The following CELF2 variants were observed in gnomAD, a reference collection of about 807,000 sequenced individuals.
CELF2 encodes CUGBP Elav-like family member 2.
In CELF2, 8 loss-of-function variants were observed where a neutral mutation model predicts 62.6. The observed-to-expected ratio is 0.13, with a 90% CI of 0.07 to 0.23. CELF2 has a LOEUF of 0.23. Ranked by LOEUF, CELF2 falls within the 10% of genes least tolerant of loss-of-function variation. The pLI, the probability that CELF2 is intolerant of heterozygous loss-of-function variation, is 1.00. For synonymous variants in CELF2, 258 were observed against 250.0 expected, an observed-to-expected ratio of 1.03 and a Z score of -0.30; for missense variants, 333 against 671.0, an observed-to-expected ratio of 0.50 and a Z score of 5.56.
At chr10:11,045,239 C>T (rs1255658400) in intron 1 of CELF2, among the ~76,000 whole-genome samples, 1 of 152,104 alleles carries the variant, frequency 6.6e-6, no homozygotes, top group Non-Finnish European at 1.5e-5. Flanking sequence ...GCCTCAAGCT[C>T]CTGAGCTCAG....
chr10:10,539,433 C>G, the CELF2 span, among the ~76,000 whole-genome samples: 1 of 151,656 alleles, frequency 6.6e-6, no homozygotes, highest in Non-Finnish European at 1.5e-5. Flanking sequence ...AAAGAACCAG[C>G]CCTCAACCCC....
the CELF2 span, among the ~76,000 whole-genome samples, chr10:10,624,881 G>A: frequency 6.6e-6 from 1 of 152,182 alleles, no homozygotes. Context: ...ACACAAAGAG[G>A]CAGATGGCAG....
chr10:10,537,013 T>TTGCTGC, the CELF2 span, among the ~76,000 whole-genome samples: 43 of 152,102 alleles, frequency 2.8e-4, no homozygotes, highest in African/African-American at 9.6e-4. Context: ...CTGGATTCAC[T>TTGCTGC]TGCTGCTGCT....
chr10:11,054,397 T>A (rs772391133), intron 1 of CELF2, among the ~76,000 whole-genome samples: 2 of 152,206 alleles, frequency 1.3e-5, no homozygotes, highest in Non-Finnish European at 2.9e-5. Context: ...TGTAAGGTGC[T>A]AAGATTTTAT....
At chr10:11,119,616 T>C (rs1015671642) in intron 1 of CELF2, among the ~76,000 whole-genome samples, 5 of 152,214 alleles carry the variant, frequency 3.3e-5, no homozygotes, top group African/African-American at 4.8e-5. Flanking sequence ...ATTTTTAATA[T>C]TTAAACTTTC....
At chr10:10,703,145 A>G in the CELF2 span, among the ~76,000 whole-genome samples, 1 of 152,256 alleles carries the variant, frequency 6.6e-6, no homozygotes, top group African/African-American at 2.4e-5. Flanking sequence ...TACAGATTCT[A>G]TAAAATAACA....
intron 1 of CELF2, among the ~76,000 whole-genome samples, chr10:10,870,248 A>G (rs932242724): frequency 2.0e-5 from 3 of 152,130 alleles, no homozygotes; most frequent in African/African-American, 7.2e-5. Context: ...TGTACGTTAA[A>G]TTTAGGGACA....
At chr10:10,813,071 T>C (rs1459009017) in intron 1 of CELF2, among the ~76,000 whole-genome samples, 1 of 152,224 alleles carries the variant, frequency 6.6e-6, no homozygotes. Flanking sequence ...CTGCCCAGTT[T>C]TTCTCACAGC....
chr10:10,889,237 G>A (rs1056097629), intron 1 of CELF2, among the ~76,000 whole-genome samples: 5 of 152,174 alleles, frequency 3.3e-5, no homozygotes, highest in Admixed American at 2.0e-4. Context: ...CTTTCTTGTT[G>A]TTTTCACCTC....
the CELF2 span, among the ~76,000 whole-genome samples, chr10:10,601,891 A>T: frequency 6.6e-6 from 1 of 151,902 alleles, no homozygotes; most frequent in Admixed American, 6.6e-5. Context: ...TCCCTCCCCA[A>T]ACCCCACCCC....
intron 4 of CELF2, among the ~76,000 whole-genome samples, chr10:11,254,677 C>A (rs191901661): frequency 6.6e-6 from 1 of 152,268 alleles, no homozygotes; most frequent in African/African-American, 2.4e-5. Flanking sequence ...ATAGGTTTAG[C>A]AGTGAAACCA....
At chr10:10,746,090 C>T in the CELF2 span, among the ~76,000 whole-genome samples, 14 of 152,170 alleles carry the variant, frequency 9.2e-5, no homozygotes, top group African/African-American at 3.4e-4. Context: ...ATTCTCCAGC[C>T]CCTTGAATCT....
At chr10:11,250,358 C>T (rs776905687) in intron 4 of CELF2, among the ~76,000 whole-genome samples, 15 of 152,194 alleles carry the variant, frequency 9.9e-5, no homozygotes, top group Non-Finnish European at 1.6e-4. Context: ...AAAAAAATAG[C>T]TTTTCTCTCT....
At chr10:11,294,801 C>T (rs925820323) in intron 9 of CELF2, among the ~76,000 whole-genome samples, 2 of 152,212 alleles carry the variant, frequency 1.3e-5, no homozygotes, top group African/African-American at 4.8e-5. Flanking sequence ...ATCCCAGCTA[C>T]TCGGGAGGCT....
intron 1 of CELF2, among the ~76,000 whole-genome samples, chr10:10,801,810 A>G (rs1280338192): frequency 6.6e-6 from 1 of 152,210 alleles, no homozygotes; most frequent in Non-Finnish European, 1.5e-5. Flanking sequence ...ACAATTTTAA[A>G]ACCTGCTTAT....
chr10:10,521,804 C>A, the CELF2 span, among the ~76,000 whole-genome samples: 2 of 152,200 alleles, frequency 1.3e-5, no homozygotes, highest in African/African-American at 4.8e-5. Flanking sequence ...CAATGTGTAA[C>A]TCCAAGGATT....
chr10:11,292,772 CA>C (rs1365020439), intron 9 of CELF2, among the ~76,000 whole-genome samples: 2 of 152,222 alleles, frequency 1.3e-5, no homozygotes, highest in Non-Finnish European at 2.9e-5. Flanking sequence ...CTGCCTGCCC[CA>C]CCCTGCTAAA....
intron 1 of CELF2, among the ~76,000 whole-genome samples, chr10:10,858,182 G>A (rs1434015493): frequency 6.6e-6 from 1 of 151,972 alleles, no homozygotes; most frequent in Non-Finnish European, 1.5e-5. Flanking sequence ...AAAATATGAT[G>A]AAAACTACAA....
At chr10:10,836,433 A>G (rs1009805164) in intron 1 of CELF2, among the ~76,000 whole-genome samples, 27 of 152,342 alleles carry the variant, frequency 1.8e-4, no homozygotes, top group African/African-American at 6.3e-4. Flanking sequence ...AAGTGTGTCT[A>G]TTCGATATGA....
Sources: gnomAD v4.1 joint callset for allele counts (sites outside exome capture counted in the v4.1 genomes callset) on GRCh38, gnomAD v4.1.1 for gene constraint, MANE v1.5 for transcripts, NCBI Gene and HGNC (gene_info 2026-07-23, HGNC 2026-07-21) for gene names.